Variants in SNTG1 observed in about 807,000 individuals in gnomAD.
The protein encoded by SNTG1 is gamma-1-syntrophin.
In SNTG1, 39 loss-of-function variants were observed where a neutral mutation model predicts 74.7. The observed-to-expected ratio is 0.52, with a 90% CI of 0.40 to 0.68. The LOEUF (loss-of-function observed/expected upper bound fraction) is 0.68, where lower values mean the gene tolerates loss of function less well. SNTG1 is among the 30% of genes least tolerant of loss of function. The pLI is 0.00. For missense variants in SNTG1, 685 were observed against 609.5 expected (o/e 1.12, Z -1.30); for synonymous variants, 254 against 217.1 (o/e 1.17, Z -1.49).
intron 1 of SNTG1, among the ~76,000 whole-genome samples, chr8:49,978,062 C>A (rs1458998295): frequency 6.6e-6 from 1 of 152,194 alleles, no homozygotes; most frequent in African/African-American, 2.4e-5. Context: ...TGTTGCCAAC[C>A]CAGCTCACAA....
intron 13 of SNTG1, among the ~76,000 whole-genome samples, chr8:50,621,032 G>A (rs2094919597): frequency 6.6e-6 from 1 of 150,504 alleles, no homozygotes; most frequent in Admixed American, 6.7e-5. Context: ...AACACATATA[G>A]TTATGCAGGG....
chr8:50,430,988 T>C (rs553893314), intron 4 of SNTG1, among the ~76,000 whole-genome samples: 2 of 152,194 alleles, frequency 1.3e-5, no homozygotes, highest in Non-Finnish European at 2.9e-5. Context: ...CTTTCATCTT[T>C]AGCCTTTGTC....
rs2095641007 is a variant in SNTG1, at chr8:50,776,427, TA to T, written c.1396-16243del. ...ATATATAATATATTATAGCTTATAATATTTATATGTTATATTTAAGCATATA... is the reference window on the plus strand; with the variant it reads ...ATATATAATATATTATAGCTTATAATTTTATATGTTATATTTAAGCATATA... On this transcript the variant is annotated intron_variant, in intron 18 of 18. Coordinates refer to ENST00000642720, the MANE Select transcript of SNTG1 (RefSeq NM_018967.5). 2.0e-5 allele frequency among the ~76,000 whole-genome samples: 3 copies of T among 147,396 alleles called. No individual in the cohort carries two copies. In the South Asian group the frequency reaches 6.3e-4, roughly 31 times the overall value.
rs564724601 is a variant in SNTG1 at position 50,039,936 on chromosome 8, C to T, written c.-103+127705C>T. Among the ~76,000 whole-genome samples, 3 of 152,214 alleles carry T rather than the reference C, an allele frequency of 2.0e-5. No individual in the cohort carries two copies. The East Asian group carries it at 5.8e-4, about 29-fold the overall frequency. ...CTACGGAAGCTGCACGGACCACAGC[C>T]CTAGTGCACATGATGTCGAGCTCTC... On this transcript the variant is annotated intron_variant, in intron 1 of 18. Coordinates refer to ENST00000642720, the MANE Select transcript of SNTG1 (RefSeq NM_018967.5).
rs2095310249 is a variant in SNTG1, at chr8:50,676,512, C to G, written c.1038+17849C>G. 3.3e-5 allele frequency among the ~76,000 whole-genome samples: 5 copies of G among 152,046 alleles called. No individual in the cohort carries two copies. The South Asian group carries it at 6.2e-4, about 19-fold the overall frequency. ...TATGTTCTTCTCTAAACTGGTTACT[C>G]TAGTTAACAGTTCCTCTAACCTTTT... On this transcript the variant is annotated intron_variant, in intron 15 of 18. Transcript: ENST00000642720.
At chr8:50,252,814 T>C (rs546325618) in intron 2 of SNTG1, among the ~76,000 whole-genome samples, 1 of 152,138 alleles carries the variant, frequency 6.6e-6, no homozygotes, top group Non-Finnish European at 1.5e-5. Context: ...ACGTCCAACA[T>C]TGACAGTCAC....
At chr8:50,378,175 C>T (rs2092421703) in intron 2 of SNTG1, among the ~76,000 whole-genome samples, 1 of 152,200 alleles carries the variant, frequency 6.6e-6, no homozygotes, top group Non-Finnish European at 1.5e-5. Flanking sequence ...CCAACTGCTG[C>T]AGTGGGGAGG....
At chr8:50,545,149 A>T (rs1255446123) in intron 11 of SNTG1, among the ~76,000 whole-genome samples, 5 of 151,904 alleles carry the variant, frequency 3.3e-5, no homozygotes, top group Non-Finnish European at 7.4e-5. Flanking sequence ...CCATAATTTT[A>T]ACTTCAGTGA....
chr8:50,697,381 A>T (rs1316686409), intron 15 of SNTG1, among the ~76,000 whole-genome samples: 2 of 152,154 alleles, frequency 1.3e-5, no homozygotes, highest in Non-Finnish European at 2.9e-5. Flanking sequence ...AAACAAGGAC[A>T]ATTGACTTTC....
rs149788722 is a variant in SNTG1, at chr8:50,269,691, T to C, written c.-28+97056T>C. ...GTGTAAACTTTTAGTACTGACCACG[T>C]ACAACAGCTTGCATTTGGCAAAAAG... On this transcript the variant is annotated intron_variant, in intron 2 of 18. Transcript: ENST00000642720. 5.4e-3 allele frequency among the ~76,000 whole-genome samples: 819 copies of C among 152,160 alleles called. 11 individuals carry two copies. Among genetic ancestry groups the C allele is most frequent in the African/African-American group, 0.019 (785 of 41,500 alleles).
intron 15 of SNTG1, among the ~76,000 whole-genome samples, chr8:50,698,592 A>T (rs1417197278): frequency 6.6e-6 from 1 of 152,130 alleles, no homozygotes. Flanking sequence ...CTGCTTGAGC[A>T]CCAGATCCCC....
intron 2 of SNTG1, among the ~76,000 whole-genome samples, chr8:50,236,134 T>C (rs1025520788): frequency 1.3e-5 from 2 of 152,146 alleles, no homozygotes; most frequent in Non-Finnish European, 2.9e-5. Flanking sequence ...CTGGATGGTT[T>C]TTCCACATTA....
intron 1 of SNTG1, among the ~76,000 whole-genome samples, chr8:50,111,901 A>G (rs1349979602): frequency 6.6e-6 from 1 of 152,056 alleles, no homozygotes; most frequent in African/African-American, 2.4e-5. Context: ...GAGTTAAAAA[A>G]CTCACAAAGG....
chr8:49,911,521 C>G lies in SNTG1; in HGVS notation c.-813C>G, dbSNP rs1235560049. 7.0e-6 allele frequency: 1 copy of G among 142,890 alleles called. No individual in the cohort carries two copies. Among genetic ancestry groups the G allele is most frequent in the Non-Finnish European group, 1.5e-5 (1 of 66,436 alleles). 8.9% of individuals were successfully genotyped at this position (142,890 alleles called of 1,614,324 possible). A position where few individuals can be genotyped will look rare whatever the true frequency, so the allele number is the denominator to read the frequency against. On this transcript the variant is annotated 5_prime_UTR_variant, in exon 1 of 19. Coordinates refer to ENST00000642720, the MANE Select transcript of SNTG1 (RefSeq NM_018967.5). ...ACGTTGTCACCAAATAAGTATGAGA[C>G]TGTTAATTTGGAGAAACAATTAGCC...
intron 1 of SNTG1, among the ~76,000 whole-genome samples, chr8:50,035,901 C>T (rs1333267471): frequency 2.6e-5 from 4 of 152,076 alleles, no homozygotes; most frequent in Non-Finnish European, 5.9e-5. Context: ...CTGCACCTGC[C>T]ATCACCAGAC....
At chr8:50,042,004 A>G (rs970383026) in intron 1 of SNTG1, among the ~76,000 whole-genome samples, 3 of 152,208 alleles carry the variant, frequency 2.0e-5, no homozygotes, top group Non-Finnish European at 2.9e-5. Flanking sequence ...TCCTTATAAA[A>G]CCATCATAAT....
chr8:50,239,608 A>G (rs561192577), intron 2 of SNTG1, among the ~76,000 whole-genome samples: 1 of 152,276 alleles, frequency 6.6e-6, no homozygotes, highest in Non-Finnish European at 1.5e-5. Flanking sequence ...GGGTATCAGA[A>G]TAATATCTGA....
chr8:50,102,683 A>G (rs1055050855), intron 1 of SNTG1, among the ~76,000 whole-genome samples: 4 of 150,452 alleles, frequency 2.7e-5, no homozygotes, highest in South Asian at 2.1e-4. Context: ...TAGGGTTTTT[A>G]TGGTTTTAGG....
intron 2 of SNTG1, among the ~76,000 whole-genome samples, chr8:50,353,447 A>G (rs1046956695): frequency 1.3e-5 from 2 of 152,226 alleles, no homozygotes; most frequent in Non-Finnish European, 2.9e-5. Context: ...ACTCACTAAA[A>G]TTAGCATTGC....
Sources: gnomAD v4.1 joint callset for allele counts (sites outside exome capture counted in the v4.1 genomes callset) on GRCh38, gnomAD v4.1.1 for gene constraint, MANE v1.5 for transcripts, NCBI Gene and HGNC (gene_info 2026-07-23, HGNC 2026-07-21) for gene names.